The following WWOX variants were observed in gnomAD, a reference collection of about 807,000 sequenced individuals.
The protein encoded by WWOX is WW domain-containing oxidoreductase.
A neutral mutation model predicts 46.2 loss-of-function variants in WWOX; 69 were observed. That is an observed-to-expected ratio of 1.49 (90% CI 1.23 to 1.82). WWOX has a LOEUF of 1.82. Ranked by LOEUF, WWOX falls within the 40% of genes most tolerant of loss-of-function variation. WWOX has a pLI of 0.00. For missense variants in WWOX, 919 were observed against 542.6 expected, an observed-to-expected ratio of 1.69 and a Z score of -6.89; for synonymous variants, 359 against 202.6, an observed-to-expected ratio of 1.77 and a Z score of -6.56.
chr16:78,823,360 C>T (rs2051557775), intron 8 of WWOX, among the ~76,000 whole-genome samples: 2 of 152,138 alleles, frequency 1.3e-5, no homozygotes, highest in Admixed American at 6.5e-5. Flanking sequence ...TAAGGAAGGA[C>T]AGACTCCCAC....
chr16:78,125,482 TGC>T (rs2033322371), intron 4 of WWOX, among the ~76,000 whole-genome samples: 1 of 152,140 alleles, frequency 6.6e-6, no homozygotes, highest in Admixed American at 6.5e-5. Flanking sequence ...CCTCGCTCTG[TGC>T]CCGGTCAAGT....
intron 8 of WWOX, among the ~76,000 whole-genome samples, chr16:78,934,063 C>A (rs114438282): frequency 0.021 from 3,230 of 151,892 alleles, 108 homozygotes; most frequent in African/African-American, 0.074. Context: ...GGGCCGGGCA[C>A]GGTGGCTCAT....
intron 7 of WWOX, among the ~76,000 whole-genome samples, chr16:78,431,831 C>T (rs968905677): frequency 2.6e-5 from 4 of 151,928 alleles, no homozygotes; most frequent in African/African-American, 9.7e-5. Flanking sequence ...ATCCTCCTGC[C>T]TCAGCCCCCC....
At chr16:79,208,641 T>TTTA (rs1555547023) in intron 8 of WWOX, among the ~76,000 whole-genome samples, 3 of 151,344 alleles carry the variant, frequency 2.0e-5, no homozygotes, top group Non-Finnish European at 4.4e-5. Context: ...ATTTTTTTTT[T>TTTA]AATCAGTTTA....
chr16:78,685,986 G>A (rs915191950), intron 8 of WWOX, among the ~76,000 whole-genome samples: 9 of 151,912 alleles, frequency 5.9e-5, no homozygotes, highest in African/African-American at 1.7e-4. Flanking sequence ...ATAGAAATAG[G>A]GAATTTGAAA....
chr16:78,841,910 G>C (rs906519849), intron 8 of WWOX, among the ~76,000 whole-genome samples: 2 of 152,114 alleles, frequency 1.3e-5, no homozygotes, highest in African/African-American at 2.4e-5. Context: ...TCGATTATTG[G>C]GCTTGAGTAT....
intron 5 of WWOX, among the ~76,000 whole-genome samples, chr16:78,364,893 T>G (rs74027874): frequency 6.6e-6 from 1 of 152,208 alleles, no homozygotes; most frequent in Non-Finnish European, 1.5e-5. Flanking sequence ...TTCTTGTCTT[T>G]ATCCCATTCT....
At chr16:78,530,143 C>T (rs1400579825) in intron 8 of WWOX, among the ~76,000 whole-genome samples, 1 of 152,202 alleles carries the variant, frequency 6.6e-6, no homozygotes, top group East Asian at 1.9e-4. Context: ...GGAATGAACT[C>T]TGTACTGGCC....
intron 8 of WWOX, among the ~76,000 whole-genome samples, chr16:79,170,186 C>G (rs1327875141): frequency 6.6e-6 from 1 of 152,174 alleles, no homozygotes; most frequent in Non-Finnish European, 1.5e-5. Flanking sequence ...GGAAATGATT[C>G]CCGGTAGAAT....
At chr16:78,227,624 C>T (rs1014284619) in intron 5 of WWOX, among the ~76,000 whole-genome samples, 3 of 152,160 alleles carry the variant, frequency 2.0e-5, no homozygotes, top group Non-Finnish European at 2.9e-5. Context: ...CACCTGTAAT[C>T]CCAGCACTTT....
intron 8 of WWOX, among the ~76,000 whole-genome samples, chr16:78,448,147 C>G (rs191582541): frequency 6.6e-6 from 1 of 152,264 alleles, no homozygotes; most frequent in East Asian, 1.9e-4. Context: ...CGGCCCTGCT[C>G]TCATTACTTG....
chr16:78,220,784 C>A (rs2036861598), intron 5 of WWOX, among the ~76,000 whole-genome samples: 1 of 152,096 alleles, frequency 6.6e-6, no homozygotes, highest in Non-Finnish European at 1.5e-5. Context: ...TGAGTAAGTA[C>A]CACCATAGTT....
At chr16:79,129,224 GCC>G (rs2049825147) in intron 8 of WWOX, among the ~76,000 whole-genome samples, 1 of 151,040 alleles carries the variant, frequency 6.6e-6, no homozygotes, top group Non-Finnish European at 1.5e-5. Flanking sequence ...GACCATCAGG[GCC>G]TAGGATTGGA....
intron 8 of WWOX, among the ~76,000 whole-genome samples, chr16:78,699,740 C>CT (rs2048173179): frequency 6.6e-6 from 1 of 152,106 alleles, no homozygotes; most frequent in Non-Finnish European, 1.5e-5. Context: ...TGAGGTTTGC[C>CT]TTTTTTCAGG....
intron 8 of WWOX, among the ~76,000 whole-genome samples, chr16:78,970,823 G>C (rs915817825): frequency 1.3e-5 from 2 of 152,140 alleles, no homozygotes; most frequent in African/African-American, 4.8e-5. Context: ...GTTGGTTCAT[G>C]TACCAGGAAG....
intron 8 of WWOX, among the ~76,000 whole-genome samples, chr16:78,954,065 A>G (rs973029897): frequency 2.6e-5 from 4 of 152,230 alleles, no homozygotes; most frequent in African/African-American, 7.2e-5. Context: ...GGCAAGGACC[A>G]TATCTTATTC....
intron 5 of WWOX, among the ~76,000 whole-genome samples, chr16:78,371,152 A>T (rs4412982): frequency 0.43 from 65,454 of 151,920 alleles, 17,255 homozygotes; most frequent in Non-Finnish European, 0.6. Context: ...ATATGAGTTA[A>T]GTTGATACGC....
intron 8 of WWOX, among the ~76,000 whole-genome samples, chr16:78,845,206 A>G (rs1301262459): frequency 1.3e-5 from 2 of 150,432 alleles, no homozygotes; most frequent in Non-Finnish European, 2.9e-5. Flanking sequence ...GAATCCATTC[A>G]TAACTGTGAA....
At chr16:78,933,616 A>G (rs1278771990) in intron 8 of WWOX, among the ~76,000 whole-genome samples, 2 of 152,174 alleles carry the variant, frequency 1.3e-5, no homozygotes, top group African/African-American at 2.4e-5. Context: ...GGCAATTTAC[A>G]AAAGAAAGAA....
Sources: gnomAD v4.1 joint callset for allele counts (sites outside exome capture counted in the v4.1 genomes callset) on GRCh38, gnomAD v4.1.1 for gene constraint, MANE v1.5 for transcripts, NCBI Gene and HGNC (gene_info 2026-07-23, HGNC 2026-07-21) for gene names.